Variants in PRDM1 observed in about 807,000 individuals in gnomAD.
PRDM1 encodes PR/SET domain 1.
Under a neutral mutation model 62.8 loss-of-function variants are expected in PRDM1, and 13 were observed. The ratio of observed to expected loss-of-function variants is 0.21; its 90% CI spans 0.13 to 0.33. PRDM1 has a LOEUF of 0.33. Among genes scored for constraint, PRDM1 ranks in the 10% least tolerant of loss-of-function variants. PRDM1 has a pLI of 1.00. For missense variants in PRDM1, 895 were observed against 1,058.8 expected (o/e 0.85, Z 2.15); for synonymous variants, 396 against 417.6 (o/e 0.95, Z 0.63).
At chr6:106,085,272 G>T (rs907567713), upstream of PRDM1, among the ~76,000 whole-genome samples, 3 of 152,060 alleles carry the variant, frequency 2.0e-5, no homozygotes, top group Non-Finnish European at 2.9e-5. Flanking sequence ...AAGGAGAAAT[G>T]ATTTTAAAAA....
At chr6:106,044,163 A>G (rs1305835875), upstream of PRDM1, among the ~76,000 whole-genome samples, 3 of 149,186 alleles carry the variant, frequency 2.0e-5, no homozygotes, top group African/African-American at 7.4e-5. Flanking sequence ...TTCTGCCACT[A>G]ATCACTTTTT....
chr6:106,101,601 TA>T (rs1403068762), intron 4 of PRDM1, among the ~76,000 whole-genome samples: 1 of 152,234 alleles, frequency 6.6e-6, no homozygotes, highest in Non-Finnish European at 1.5e-5. Flanking sequence ...CCAGTCACAT[TA>T]AAACAAGATT....
chr6:106,013,109 A>C (rs1166874357), intron 1 of PRDM1, among the ~76,000 whole-genome samples: 3 of 151,952 alleles, frequency 2.0e-5, no homozygotes, highest in Non-Finnish European at 4.4e-5. Flanking sequence ...CTGGTCTCGA[A>C]CTGTCCTCAA....
chr6:106,078,553 A>G (rs898823420), intron 1 of PRDM1, among the ~76,000 whole-genome samples: 3 of 152,210 alleles, frequency 2.0e-5, no homozygotes, highest in Non-Finnish European at 2.9e-5. Context: ...ATTCATTTAT[A>G]TTCATGCAAA....
At chr6:105,996,870 T>C (rs1772355009) in intron 1 of PRDM1, among the ~76,000 whole-genome samples, 1 of 152,232 alleles carries the variant, frequency 6.6e-6, no homozygotes, top group Admixed American at 6.5e-5. Flanking sequence ...TCCGCCAAAT[T>C]GACTGTCTCC....
intron 1 of PRDM1, among the ~76,000 whole-genome samples, chr6:105,995,865 G>C (rs1298714773): frequency 6.6e-6 from 1 of 152,056 alleles, no homozygotes; most frequent in Non-Finnish European, 1.5e-5. Context: ...AGTTTGTAAG[G>C]CCTGAAATTA....
upstream of PRDM1, among the ~76,000 whole-genome samples, chr6:106,083,122 G>A (rs772554675): frequency 9.3e-5 from 14 of 151,050 alleles, no homozygotes; most frequent in Non-Finnish European, 1.8e-4. Context: ...CAAAGCCTCA[G>A]TGCCCCTCTC....
chr6:106,100,300 C>T (rs949309780), intron 4 of PRDM1: 1 of 152,238 alleles, frequency 6.6e-6, no homozygotes, highest in Non-Finnish European at 1.5e-5. Flanking sequence ...TCTGCTGTAA[C>T]TATGGTTGTG....
chr6:106,076,615 A>G (rs1418958027), intron 1 of PRDM1, among the ~76,000 whole-genome samples: 1 of 152,216 alleles, frequency 6.6e-6, no homozygotes, highest in East Asian at 1.9e-4. Context: ...AATTAATATT[A>G]TATGAGGAAG....
intron 1 of PRDM1, among the ~76,000 whole-genome samples, chr6:106,009,345 G>T (rs186856501): frequency 6.6e-6 from 1 of 152,084 alleles, no homozygotes; most frequent in African/African-American, 2.4e-5. Flanking sequence ...GATGACTTTC[G>T]CTTCCTTTTG....
rs565916352 is a variant in PRDM1, at chr6:106,013,286, T to C, written c.-67+19647T>C. 1.8e-3 allele frequency among the ~76,000 whole-genome samples: 269 copies of C among 152,142 alleles called. 2 individuals are homozygous for C. The highest frequency in any genetic ancestry group is 6.3e-3 in the African/African-American group (261 of 41,518). ...GTACAGGCATCTGCCTAAACTGAGC[T>C]TATCCTCATTCACCCCTGCCTGTAA... On this transcript the variant is annotated intron_variant, in intron 1 of 6. Transcript: ENST00000652320.
At chr6:106,028,897 C>T (rs1772800423) in intron 1 of PRDM1, among the ~76,000 whole-genome samples, 2 of 150,184 alleles carry the variant, frequency 1.3e-5, no homozygotes, top group African/African-American at 2.4e-5. Context: ...ATATATTTCC[C>T]TATGTTTTCT....
At chr6:106,016,055 TG>T (rs1488305947) in intron 1 of PRDM1, among the ~76,000 whole-genome samples, 1 of 152,238 alleles carries the variant, frequency 6.6e-6, no homozygotes, top group Middle Eastern at 3.2e-3. Flanking sequence ...CATATATATA[TG>T]TAAAATCATA....
Position 106,035,505 on chromosome 6 carries a change from T to C in PRDM1, c.-67+41866T>C, listed in dbSNP as rs183651734. On this transcript the variant is annotated intron_variant, in intron 1 of 6. Coordinates refer to the PRDM1 transcript ENST00000652320. ...TTAACTGGGTGTGGTGGCACATGCC[T>C]GTAGCCACAGCTACTCAAGAGGCTG... Among the ~76,000 whole-genome samples the C allele has an allele frequency of 4.2e-3, 647 of 152,256 alleles. 5 individuals carry two copies. Among genetic ancestry groups the C allele is most frequent in the African/African-American group, 0.015 (608 of 41,534 alleles).
chr6:106,034,943 A>C (rs1270476466), intron 1 of PRDM1, among the ~76,000 whole-genome samples: 2 of 152,088 alleles, frequency 1.3e-5, no homozygotes, highest in African/African-American at 2.4e-5. Flanking sequence ...CATGACACTA[A>C]AGTCTTTTTA....
At chr6:106,095,774 G>GA (rs771998153) in intron 3 of PRDM1, 40 bp downstream of exon 3, 56 of 1,604,014 alleles carry the variant, frequency 3.5e-5, no homozygotes, top group Non-Finnish European at 4.4e-5. Context: ...TAAATGTTAG[G>GA]AAAAAATGGA....
At chr6:106,055,939 A>G (rs1325807539) in intron 1 of PRDM1, among the ~76,000 whole-genome samples, 1 of 152,226 alleles carries the variant, frequency 6.6e-6, no homozygotes, top group Non-Finnish European at 1.5e-5. Context: ...CTTTTGACTG[A>G]GAGTCCAAAT....
rs1774593137 is a variant in PRDM1, at chr6:106,108,739, T to C, written c.*1253T>C. ...TCTGTAAAACTCAGATTTTCCTCAG[T>C]ATTTGTGTTTTTACATTTTATGGTT... On this transcript the variant is annotated 3_prime_UTR_variant, in exon 7 of 7. Transcript: ENST00000369096. 4.3e-6 allele frequency: 1 copy of C among 233,218 alleles called. No individual in the cohort carries two copies. The highest frequency in any genetic ancestry group is 8.5e-6 in the Non-Finnish European group (1 of 117,882). The allele number at this position is 233,218 out of a possible 1,614,324, so 14.4% of individuals were successfully genotyped here. A position where few individuals can be genotyped will look rare whatever the true frequency, so the allele number is the denominator to read the frequency against.
At chr6:106,076,211 A>C (rs774797653) in intron 1 of PRDM1, among the ~76,000 whole-genome samples, 1 of 152,174 alleles carries the variant, frequency 6.6e-6, no homozygotes, top group Non-Finnish European at 1.5e-5. Flanking sequence ...TTTGCCTCCC[A>C]AAGTGCGACA....
Sources: gnomAD v4.1 joint callset for allele counts (sites outside exome capture counted in the v4.1 genomes callset) on GRCh38, gnomAD v4.1.1 for gene constraint, MANE v1.5 for transcripts, NCBI Gene and HGNC (gene_info 2026-07-23, HGNC 2026-07-21) for gene names.